The following ZZZ3 variants were observed in gnomAD, a reference collection of about 807,000 sequenced individuals.
ZZZ3 encodes zinc finger ZZ-type containing 3, also known as ZZ-type zinc finger-containing protein 3.
ZZZ3 carries 22 observed loss-of-function variants against 95.2 expected under a neutral mutation model. The ratio of observed to expected loss-of-function variants is 0.23; its 90% CI spans 0.17 to 0.33. The LOEUF (loss-of-function observed/expected upper bound fraction) is 0.33. Among genes scored for constraint, ZZZ3 ranks in the 10% least tolerant of loss-of-function variants. The pLI is 1.00. For synonymous variants in ZZZ3, 335 were observed against 358.9 expected, an observed-to-expected ratio of 0.93 and a Z score of 0.75; for missense variants, 885 against 1,066.5, an observed-to-expected ratio of 0.83 and a Z score of 2.37.
chr1:77,581,127 T>A, intron 8 of ZZZ3, 58 bp from the exon 9 acceptor site: 3 of 1,312,014 alleles, frequency 2.3e-6, no homozygotes, highest in Non-Finnish European at 3.3e-6. Context: ...TCCTTTGATA[T>A]AGCCAAATAA....
rs549570416 is a variant in ZZZ3 at position 77,601,271 on chromosome 1, T to G, written c.1506-16616A>C. Among the ~76,000 whole-genome samples the G allele has an allele frequency of 3.3e-5, 5 of 152,088 alleles. No individual in the cohort carries two copies. In the East Asian group the frequency reaches 9.7e-4, roughly 29 times the overall value. On this transcript the variant is annotated intron_variant, in intron 5 of 14. Transcript: ENST00000370801. The stretch of plus-strand genomic sequence containing the variant: ...CCGACTACTAATGAAGAATCTAAGG[T>G]AAAACAATGAGATGTCTCCACTGGA...
chr1:77,580,612 A>G (rs1662406759), intron 9 of ZZZ3: 1 of 160,784 alleles, frequency 6.2e-6, no homozygotes, highest in Non-Finnish European at 1.4e-5. Context: ...ATACAACAAT[A>G]TACACCTGAC....
chr1:77,631,799 T>C (rs568143447), intron 5 of ZZZ3, 51 bp downstream of exon 5: 15 of 1,405,296 alleles, frequency 1.1e-5, no homozygotes, highest in Admixed American at 2.4e-5. Flanking sequence ...ACTGAAAAAC[T>C]TGGGGAATAA....
intron 1 of ZZZ3, among the ~76,000 whole-genome samples, chr1:77,659,104 G>C (rs939449055): frequency 3.6e-4 from 55 of 152,106 alleles, no homozygotes; most frequent in African/African-American, 1.3e-3. Flanking sequence ...TGTAATCCCA[G>C]CTACTAGGGA....
rs61743828 is a variant in ZZZ3, at chr1:77,576,186, T to C, written c.2213A>G (p.Lys738Arg). 89 of 1,611,134 alleles carry C rather than the reference T, an allele frequency of 5.5e-5. No homozygotes were observed. Among genetic ancestry groups the C allele is most frequent in the Non-Finnish European group, 6.5e-5 (77 of 1,179,226 alleles). Residue 738 changes from lysine to arginine, a missense_variant, in exon 12 of 15, where the codon AAG becomes AGG. Lys to Arg is a conservative substitution (Grantham distance 26). Transcript: ENST00000370801. ...STSRRQHPLN[K>R]HLFKPSTFMT... ...GAAAGTGGAAGGCTTAAAGAGATGC[T>C]TATTAAGAGGGTGCTGTCGTCTGCT...
intron 5 of ZZZ3, among the ~76,000 whole-genome samples, chr1:77,626,529 T>C (rs1250889047): frequency 2.0e-5 from 3 of 152,140 alleles, no homozygotes; most frequent in Non-Finnish European, 2.9e-5. Flanking sequence ...TGGTTCACAA[T>C]AGAGTTCGTG....
intron 5 of ZZZ3, among the ~76,000 whole-genome samples, chr1:77,615,588 A>G (rs137995035): frequency 2.0e-5 from 3 of 152,254 alleles, no homozygotes; most frequent in African/African-American, 7.2e-5. Context: ...ATGAAAGGAC[A>G]TAAGTTTCAC....
At chr1:77,607,622 C>G (rs903594586) in intron 5 of ZZZ3, among the ~76,000 whole-genome samples, 2 of 152,062 alleles carry the variant, frequency 1.3e-5, no homozygotes, top group African/African-American at 4.8e-5. Flanking sequence ...TTAAGACAGG[C>G]TATTTGAAAA....
At chr1:77,611,241 AAAAAAAAAAC>A (rs1011854146) in intron 5 of ZZZ3, among the ~76,000 whole-genome samples, 21 of 149,036 alleles carry the variant, frequency 1.4e-4, no homozygotes, top group African/African-American at 4.9e-4. Context: ...CCAAAAAAAA[AAAAAAAAAAC>A]AACCCACATG....
Position 77,580,584 on chromosome 1 carries a change from A to T in ZZZ3, c.1980+414T>A, listed in dbSNP as rs148824606. On this transcript the variant is annotated intron_variant, in intron 9 of 14. Coordinates refer to ENST00000370801, the MANE Select transcript of ZZZ3 (RefSeq NM_015534.6). The stretch of plus-strand genomic sequence containing the variant: ...AAATAAGCCTAAATATTTAAAACTC[A>T]TGGCTAACAGGCATCACATACAACA... 2.0e-5 allele frequency: 3 copies of T among 153,218 alleles called. No individual in the cohort carries two copies. The East Asian group carries it at 5.7e-4, about 29-fold the overall frequency. 9.5% of individuals were successfully genotyped at this position (153,218 alleles called of 1,614,324 possible). A position where few individuals can be genotyped will look rare whatever the true frequency, so the allele number is the denominator to read the frequency against.
chr1:77,675,907 T>TA (rs1251202560), intron 1 of ZZZ3, among the ~76,000 whole-genome samples: 6 of 152,194 alleles, frequency 3.9e-5, no homozygotes, highest in Admixed American at 3.9e-4. Flanking sequence ...CCTGAATGTC[T>TA]ATGCTATTAA....
chr1:77,582,629 T>A (rs1304378345), intron 6 of ZZZ3, among the ~76,000 whole-genome samples: 2 of 150,692 alleles, frequency 1.3e-5, no homozygotes, highest in Non-Finnish European at 3.0e-5. Flanking sequence ...AGTAGGAAAA[T>A]TTTTTTCCAA....
intron 5 of ZZZ3, among the ~76,000 whole-genome samples, chr1:77,587,258 C>CT (rs34952237): frequency 0.016 from 1,405 of 85,202 alleles, 8 homozygotes; most frequent in East Asian, 0.029. Context: ...AACTTTGACC[C>CT]TTTTTTTTTT....
At chr1:77,599,173 TCTGGTAA>T in intron 5 of ZZZ3, among the ~76,000 whole-genome samples, 1 of 152,212 alleles carries the variant, frequency 6.6e-6, no homozygotes, top group South Asian at 2.1e-4. Flanking sequence ...TATATGAGCA[TCTGGTAA>T]AGGCTCAGTT....
chr1:77,664,760 C>T (rs1017829676), intron 1 of ZZZ3, among the ~76,000 whole-genome samples: 9 of 152,128 alleles, frequency 5.9e-5, no homozygotes, highest in African/African-American at 1.9e-4. Flanking sequence ...ACAAAAAGTA[C>T]CTTTTTAGAT....
Position 77,565,658 on chromosome 1 carries a change from G to A in ZZZ3, c.2694C>T (p.Tyr898=). 2 of 1,613,874 alleles carry A rather than the reference G, an allele frequency of 1.2e-6. No homozygotes were observed. Among genetic ancestry groups the A allele is most frequent in the Non-Finnish European group, 1.7e-6 (2 of 1,179,818 alleles). The change falls in exon 15 of 15, where the codon TAC becomes TAT. Residue 898 remains tyrosine, a synonymous_variant. Coordinates refer to ENST00000370801, the MANE Select transcript of ZZZ3 (RefSeq NM_015534.6). ...TTCCATGTCATCTGTTTGCTGGAAA[G>A]TAGTTTGGGTCAAGGTAATTGTAAC... ...GTSYNYLDPN[Y]FPANR
At chr1:77,628,541 C>T in intron 5 of ZZZ3, among the ~76,000 whole-genome samples, 1 of 152,186 alleles carries the variant, frequency 6.6e-6, no homozygotes, top group East Asian at 1.9e-4. Flanking sequence ...GCCTAATTTA[C>T]TATAAATCAC....
chr1:77,652,813 C>A (rs1415874240), intron 1 of ZZZ3, among the ~76,000 whole-genome samples: 2 of 152,012 alleles, frequency 1.3e-5, no homozygotes, highest in African/African-American at 4.8e-5. Context: ...CATGGATGAA[C>A]CTTAAAAACA....
At chr1:77,669,737 C>T (rs1303720411) in intron 1 of ZZZ3, among the ~76,000 whole-genome samples, 5 of 151,878 alleles carry the variant, frequency 3.3e-5, no homozygotes, top group East Asian at 1.9e-4. Flanking sequence ...CTATTACAGG[C>T]GTGAGCCACT....
Sources: gnomAD v4.1 joint callset for allele counts (sites outside exome capture counted in the v4.1 genomes callset) on GRCh38, gnomAD v4.1.1 for gene constraint, MANE v1.5 for transcripts, NCBI Gene and HGNC (gene_info 2026-07-23, HGNC 2026-07-21) for gene names.